NKAIN3: variants seen among roughly 807,000 people sequenced by gnomAD.
NKAIN3 encodes the protein sodium/potassium transporting ATPase interacting 3, also known as sodium/potassium-transporting ATPase subunit beta-1-interacting protein 3.
NKAIN3 carries 25 observed loss-of-function variants against 30.2 expected under a neutral mutation model. The observed-to-expected ratio is 0.83, with a 90% CI of 0.60 to 1.16. NKAIN3 has a LOEUF of 1.16. Among genes scored for constraint, NKAIN3 ranks in the 50% most tolerant of loss-of-function variants. The pLI, the probability that NKAIN3 is intolerant of heterozygous loss-of-function variation, is 0.00. For missense variants in NKAIN3, 225 were observed against 254.1 expected (o/e 0.89, Z 0.78); for synonymous variants, 91 against 89.6 (o/e 1.02, Z -0.09).
chr8:62,481,724 G>A (rs1371994723), intron 1 of NKAIN3, among the ~76,000 whole-genome samples: 1 of 152,156 alleles, frequency 6.6e-6, no homozygotes, highest in Non-Finnish European at 1.5e-5. Flanking sequence ...TTATGACTTG[G>A]CAGAACACAA....
chr8:62,499,814 G>GTTTCTTTCTTTC (rs35053996), intron 1 of NKAIN3, among the ~76,000 whole-genome samples: 26 of 151,354 alleles, frequency 1.7e-4, no homozygotes, highest in African/African-American at 6.1e-4. Flanking sequence ...AGGTTTGTTT[G>GTTTCTTTCTTTC]TTTGTTTCTT....
intron 5 of NKAIN3, among the ~76,000 whole-genome samples, chr8:62,948,971 A>G (rs1823204329): frequency 6.6e-6 from 1 of 152,242 alleles, no homozygotes; most frequent in African/African-American, 2.4e-5. Flanking sequence ...TTCTGGATTT[A>G]CCATAAGCAG....
intron 3 of NKAIN3, among the ~76,000 whole-genome samples, chr8:62,702,474 T>C (rs1814371241): frequency 6.6e-6 from 1 of 152,200 alleles, no homozygotes; most frequent in Non-Finnish European, 1.5e-5. Flanking sequence ...AGTTAGATTT[T>C]TATGCACATA....
chr8:62,527,670 T>C (rs916478377), intron 1 of NKAIN3, among the ~76,000 whole-genome samples: 15 of 152,086 alleles, frequency 9.9e-5, no homozygotes, highest in African/African-American at 3.6e-4. Context: ...TAAGAAGCAA[T>C]GTTTTAGAAA....
chr8:62,949,823 C>T (rs73264635), intron 5 of NKAIN3, among the ~76,000 whole-genome samples: 3,245 of 152,222 alleles, frequency 0.021, 104 homozygotes, highest in African/African-American at 0.069. Context: ...CAAGCTGTGC[C>T]CTGATGCTTC....
At chr8:62,324,464 C>A (rs1403965944) in intron 1 of NKAIN3, among the ~76,000 whole-genome samples, 2 of 151,992 alleles carry the variant, frequency 1.3e-5, no homozygotes, top group Non-Finnish European at 2.9e-5. Flanking sequence ...GACCTTTCTA[C>A]CAATAATTCA....
At chr8:62,265,061 T>G (rs1812562961) in intron 1 of NKAIN3, among the ~76,000 whole-genome samples, 1 of 152,166 alleles carries the variant, frequency 6.6e-6, no homozygotes, top group South Asian at 2.1e-4. Flanking sequence ...TGGCAGCACA[T>G]CATGGATGAA....
intron 3 of NKAIN3, among the ~76,000 whole-genome samples, chr8:62,744,108 G>T (rs1282055150): frequency 6.6e-6 from 1 of 152,150 alleles, no homozygotes; most frequent in African/African-American, 2.4e-5. Context: ...AGAAAGGAAA[G>T]CAGGAGAAAG....
intron 4 of NKAIN3, among the ~76,000 whole-genome samples, chr8:62,777,192 A>C (rs1817219476): frequency 6.6e-6 from 1 of 152,092 alleles, no homozygotes; most frequent in African/African-American, 2.4e-5. Flanking sequence ...GGTTAAATCA[A>C]CTTGTTGTTC....
intron 1 of NKAIN3, among the ~76,000 whole-genome samples, chr8:62,563,233 T>C (rs1283350186): frequency 3.9e-5 from 6 of 152,000 alleles, no homozygotes; most frequent in Non-Finnish European, 8.8e-5. Flanking sequence ...TGCATGGGAG[T>C]TAGAAGGAAG....
chr8:62,940,324 C>T (rs368056328), intron 5 of NKAIN3, among the ~76,000 whole-genome samples: 1 of 152,046 alleles, frequency 6.6e-6, no homozygotes, highest in Non-Finnish European at 1.5e-5. Flanking sequence ...TGGCAGGGGA[C>T]TTCAATACTC....
At chr8:62,249,433 T>A (rs555305666) in intron 1 of NKAIN3, among the ~76,000 whole-genome samples, 20 of 152,290 alleles carry the variant, frequency 1.3e-4, no homozygotes, top group African/African-American at 4.6e-4. Flanking sequence ...GAGTGAGGGA[T>A]TTTCCCGCCC....
intron 3 of NKAIN3, among the ~76,000 whole-genome samples, chr8:62,736,225 C>G (rs1372841009): frequency 6.6e-6 from 1 of 152,142 alleles, no homozygotes; most frequent in Non-Finnish European, 1.5e-5. Context: ...AGGTAGTGGG[C>G]AGGATCATAG....
chr8:62,934,897 T>C (rs1364540499), intron 5 of NKAIN3, among the ~76,000 whole-genome samples: 1 of 152,050 alleles, frequency 6.6e-6, no homozygotes, highest in Non-Finnish European at 1.5e-5. Context: ...GTGAGCAGGA[T>C]TGTCCTGAGC....
At chr8:62,863,676 T>C in intron 4 of NKAIN3, 1 of 1,413,508 alleles carries the variant, frequency 7.1e-7, no homozygotes, top group South Asian at 1.1e-5. Context: ...TTGAGCAATT[T>C]TATTTCATCC....
chr8:62,350,060 A>G (rs1049671438), intron 1 of NKAIN3, among the ~76,000 whole-genome samples: 5 of 152,218 alleles, frequency 3.3e-5, no homozygotes, highest in Non-Finnish European at 5.9e-5. Context: ...GAAAAGCTGT[A>G]TGGCAGTTCT....
chr8:62,885,120 A>G (rs1455728250), intron 4 of NKAIN3, among the ~76,000 whole-genome samples: 2 of 152,268 alleles, frequency 1.3e-5, no homozygotes, highest in South Asian at 4.1e-4. Context: ...TTTGTATTCA[A>G]TGCTATACAG....
intron 1 of NKAIN3, among the ~76,000 whole-genome samples, chr8:62,471,437 A>T (rs997347389): frequency 5.9e-5 from 9 of 152,174 alleles, no homozygotes; most frequent in African/African-American, 2.2e-4. Context: ...GTTCTGTGAA[A>T]ACGATGTTTT....
chr8:62,617,801 A>G (rs1244715496), intron 3 of NKAIN3, among the ~76,000 whole-genome samples: 2 of 152,140 alleles, frequency 1.3e-5, no homozygotes, highest in Non-Finnish European at 1.5e-5. Flanking sequence ...ATGGGAAAAC[A>G]TATTACTGTG....
Sources: allele counts gnomAD v4.1 joint callset (sites outside exome capture counted in the v4.1 genomes callset), GRCh38; gene constraint gnomAD v4.1.1; transcripts MANE v1.5; gene names NCBI Gene and HGNC (gene_info 2026-07-23, HGNC 2026-07-21).